RAB31: variants seen among roughly 807,000 people sequenced by gnomAD.
RAB31 encodes the protein ras-related protein Rab-31.
In RAB31, 21 loss-of-function variants were observed where a neutral mutation model predicts 25.6. That is an observed-to-expected ratio of 0.82 (90% CI 0.58 to 1.18). The LOEUF (loss-of-function observed/expected upper bound fraction) is 1.18, where lower values mean the gene tolerates loss of function less well. Ranked by LOEUF, RAB31 falls within the 50% of genes most tolerant of loss-of-function variation. The probability of loss-of-function intolerance (pLI) is 0.00; values close to 1 mark genes in which losing one functional copy is unlikely to be tolerated. For missense variants in RAB31, 196 were observed against 250.1 expected, an observed-to-expected ratio of 0.78 and a Z score of 1.46; for synonymous variants, 87 against 84.0, an observed-to-expected ratio of 1.04 and a Z score of -0.20.
intron 5 of RAB31, among the ~76,000 whole-genome samples, chr18:9,833,320 G>T (rs1214096418): frequency 6.6e-6 from 1 of 152,158 alleles, no homozygotes; most frequent in African/African-American, 2.4e-5. Context: ...CTGGGGTTCT[G>T]CCCGCAGCCC....
intron 3 of RAB31, among the ~76,000 whole-genome samples, chr18:9,812,323 A>G (rs1048292706): frequency 2.0e-5 from 3 of 152,196 alleles, no homozygotes; most frequent in Middle Eastern, 3.2e-3. Flanking sequence ...CCTGCGTGTG[A>G]TGGTCACTCC....
intron 2 of RAB31, among the ~76,000 whole-genome samples, chr18:9,776,642 G>A (rs1313569094): frequency 6.6e-6 from 1 of 152,186 alleles, no homozygotes; most frequent in Non-Finnish European, 1.5e-5. Flanking sequence ...CAGGGATGCT[G>A]GCAGAAGACA....
chr18:9,716,304 G>T (rs1350347123), intron 1 of RAB31, among the ~76,000 whole-genome samples: 1 of 151,988 alleles, frequency 6.6e-6, no homozygotes, highest in Non-Finnish European at 1.5e-5. Flanking sequence ...ATCTCGAGTG[G>T]TCTTATTTTT....
chr18:9,721,046 TG>T (rs1948038373), intron 1 of RAB31, among the ~76,000 whole-genome samples: 1 of 152,116 alleles, frequency 6.6e-6, no homozygotes, highest in African/African-American at 2.4e-5. Flanking sequence ...GACCTCTTCA[TG>T]GGGTGATATT....
chr18:9,823,544 T>TA (rs1232832015), intron 5 of RAB31, among the ~76,000 whole-genome samples: 1 of 152,204 alleles, frequency 6.6e-6, no homozygotes, highest in Admixed American at 6.5e-5. Flanking sequence ...AATCGCTTGG[T>TA]ACTGTTTCTT....
intron 1 of RAB31, among the ~76,000 whole-genome samples, chr18:9,761,729 A>G (rs181235559): frequency 1.0e-3 from 154 of 152,326 alleles, no homozygotes; most frequent in Non-Finnish European, 1.7e-3. Context: ...CTCTTCATGC[A>G]TGGCAGCTTG....
chr18:9,843,040 C>T (rs749572194), intron 5 of RAB31, among the ~76,000 whole-genome samples: 4 of 152,152 alleles, frequency 2.6e-5, no homozygotes, highest in African/African-American at 7.2e-5. Flanking sequence ...GAACCTGTGC[C>T]GCTCCTTCTT....
intron 1 of RAB31, among the ~76,000 whole-genome samples, chr18:9,753,280 C>G (rs1175508496): frequency 6.6e-6 from 1 of 152,084 alleles, no homozygotes; most frequent in Non-Finnish European, 1.5e-5. Flanking sequence ...CATGAGGGCT[C>G]TACTGTCATG....
intron 6 of RAB31, among the ~76,000 whole-genome samples, chr18:9,850,321 C>T (rs772979744): frequency 1.8e-4 from 28 of 152,106 alleles, no homozygotes; most frequent in Non-Finnish European, 3.2e-4. Flanking sequence ...GATGAGGTCT[C>T]GCTGTATTGT....
At chr18:9,857,288 T>A (rs2017791) in intron 6 of RAB31, among the ~76,000 whole-genome samples, 87 of 152,068 alleles carry the variant, frequency 5.7e-4, no homozygotes, top group Admixed American at 2.8e-3. Flanking sequence ...AATGTATTAT[T>A]ACCTTTGAAA....
intron 3 of RAB31, among the ~76,000 whole-genome samples, chr18:9,797,889 A>T (rs2068494701): frequency 6.6e-6 from 1 of 152,226 alleles, no homozygotes; most frequent in Non-Finnish European, 1.5e-5. Context: ...TAGTCTTTTG[A>T]TGAAACTTGA....
At chr18:9,796,060 A>G (rs1038361030) in intron 3 of RAB31, among the ~76,000 whole-genome samples, 5 of 152,254 alleles carry the variant, frequency 3.3e-5, no homozygotes. Context: ...CTACTCAGCC[A>G]TAAAAAGGAA....
intron 3 of RAB31, among the ~76,000 whole-genome samples, chr18:9,807,356 C>T (rs1006572904): frequency 3.9e-5 from 6 of 152,166 alleles, no homozygotes; most frequent in African/African-American, 1.2e-4. Flanking sequence ...CCAAACCAGC[C>T]TGGGCAGAGC....
intron 1 of RAB31, among the ~76,000 whole-genome samples, chr18:9,726,529 A>C (rs1599013793): frequency 6.6e-6 from 1 of 152,018 alleles, no homozygotes; most frequent in South Asian, 2.1e-4. Flanking sequence ...TCAAGATATT[A>C]CCTTAGCAGC....
intron 1 of RAB31, among the ~76,000 whole-genome samples, chr18:9,742,649 T>C (rs1433707036): frequency 6.6e-6 from 1 of 152,240 alleles, no homozygotes; most frequent in East Asian, 1.9e-4. Context: ...GGGGGCTGTC[T>C]GATTGCTGGC....
chr18:9,815,044 C>A, intron 4 of RAB31, 72 bp from the exon 5 acceptor site: 2 of 1,096,126 alleles, frequency 1.8e-6, no homozygotes, highest in Non-Finnish European at 2.7e-6. Context: ...TTGTACTGGG[C>A]TTGTATTTCT....
chr18:9,762,103 C>T (rs117399661), intron 1 of RAB31, among the ~76,000 whole-genome samples: 3 of 152,260 alleles, frequency 2.0e-5, no homozygotes, highest in Non-Finnish European at 2.9e-5. Context: ...CCACCATGCC[C>T]GGCCACCAGT....
At chr18:9,808,879 G>A (rs1419284103) in intron 3 of RAB31, among the ~76,000 whole-genome samples, 1 of 152,196 alleles carries the variant, frequency 6.6e-6, no homozygotes, top group East Asian at 1.9e-4. Flanking sequence ...GAAACTTCAT[G>A]TATTTTCCAC....
intron 1 of RAB31, among the ~76,000 whole-genome samples, chr18:9,737,570 G>A (rs2068156989): frequency 6.6e-6 from 1 of 152,172 alleles, no homozygotes; most frequent in South Asian, 2.1e-4. Context: ...ACACTAACGA[G>A]CAGATGACTG....
Sources: gnomAD v4.1 joint callset for allele counts (sites outside exome capture counted in the v4.1 genomes callset) on GRCh38, gnomAD v4.1.1 for gene constraint, MANE v1.5 for transcripts, NCBI Gene and HGNC (gene_info 2026-07-23, HGNC 2026-07-21) for gene names.